Variants in PRMT7 observed in about 807,000 individuals in gnomAD.
The protein encoded by PRMT7 is protein arginine N-methyltransferase 7.
In PRMT7, 75 loss-of-function variants were observed where a neutral mutation model predicts 85.4. The ratio of observed to expected loss-of-function variants is 0.88; its 90% CI spans 0.73 to 1.06. PRMT7 has a LOEUF of 1.06. PRMT7 is among the 50% of genes least tolerant of loss of function. The pLI is 0.00. For synonymous variants in PRMT7, 397 were observed against 359.5 expected, an observed-to-expected ratio of 1.10 and a Z score of -1.18; for missense variants, 868 against 915.2, an observed-to-expected ratio of 0.95 and a Z score of 0.67.
chr16:68,326,986 C>G (rs890793407), intron 5 of PRMT7, among the ~76,000 whole-genome samples: 11 of 152,090 alleles, frequency 7.2e-5, no homozygotes, highest in Non-Finnish European at 1.6e-4. Flanking sequence ...GTTTAAGGCC[C>G]TCAAACCACA....
At chr16:68,340,593 A>G (rs1278909771) in intron 9 of PRMT7, among the ~76,000 whole-genome samples, 2 of 152,194 alleles carry the variant, frequency 1.3e-5, no homozygotes, top group Non-Finnish European at 1.5e-5. Context: ...AAAAAAAAAA[A>G]AAAGAGAAAT....
Position 68,345,735 on chromosome 16 carries a change from G to A in PRMT7, c.988G>A (p.Gly330Ser). The change falls in exon 10 of 19, where the codon GGC (glycine) becomes AGC (serine). Residue 330 changes from glycine to serine, a missense_variant. Transcript: ENST00000441236. ...GCCACAAGAGGAGCCTGTGGTGCAG[G>A]GCTCAGCGCTCTATCTGGTAGCCCA... Reference protein sequence around the residue: ...FLPQEEPVVQGSALYLVAHHD... With the variant: ...FLPQEEPVVQSSALYLVAHHD... 6.2e-7 allele frequency: 1 copy of A among 1,614,110 alleles called. No individual in the cohort carries two copies. Among genetic ancestry groups the A allele is most frequent in the Non-Finnish European group, 8.5e-7 (1 of 1,180,022 alleles).
At chr16:68,340,979 G>A (rs1158314634) in intron 9 of PRMT7, among the ~76,000 whole-genome samples, 1 of 152,204 alleles carries the variant, frequency 6.6e-6, no homozygotes, top group African/African-American at 2.4e-5. Flanking sequence ...ACTGGTGTTA[G>A]TAAAAATAGG....
At chr16:68,348,658 T>TG (rs1491058669) in intron 14 of PRMT7, among the ~76,000 whole-genome samples, 32 of 133,996 alleles carry the variant, frequency 2.4e-4, no homozygotes, top group African/African-American at 1.0e-3. Flanking sequence ...TTTTTTTTTT[T>TG]TGAAAATGGG....
chr16:68,339,342 C>G lies in PRMT7; in HGVS notation c.525C>G (p.Pro175=). 1 of 1,614,058 alleles carries G rather than the reference C, an allele frequency of 6.2e-7. No individual in the cohort carries two copies. Among genetic ancestry groups the G allele is most frequent in the Non-Finnish European group, 8.5e-7 (1 of 1,179,964 alleles). Reference sequence around the variant, plus strand: ...CTTAGGAAAATTGTGAGGCCGTGCCCCACAGAGCCACCGTCTATGCACAGC... The same window carrying G: ...CTTAGGAAAATTGTGAGGCCGTGCCGCACAGAGCCACCGTCTATGCACAGC... ...HLVEENCEAV[P]HRATVYAQLV... is the part of the protein sequence containing the mutation. The change falls in exon 8 of 19, where the codon CCC becomes CCG. Residue 175 remains proline, a synonymous_variant. Coordinates refer to ENST00000441236, the MANE Select transcript of PRMT7 (RefSeq NM_019023.5).
chr16:68,338,047 G>A (rs2084957314), intron 7 of PRMT7, among the ~76,000 whole-genome samples: 1 of 152,192 alleles, frequency 6.6e-6, no homozygotes, highest in Non-Finnish European at 1.5e-5. Flanking sequence ...AGTGGGGTTT[G>A]GGGGCCATGC....
At chr16:68,346,480 C>A (rs930633385) in intron 11 of PRMT7, among the ~76,000 whole-genome samples, 200 bp downstream of exon 11, 4 of 152,200 alleles carry the variant, frequency 2.6e-5, no homozygotes, top group African/African-American at 4.8e-5. Flanking sequence ...GGCTTGCTCT[C>A]TGCTCTACTG....
Position 68,345,817 on chromosome 16 carries a change from G to C in PRMT7, c.1055+15G>C. Reference sequence around the variant, plus strand: ...CAGAGGACCAGGTACGTCGAGCCTCGTGGGGGTGGAGGATGAGCCTCTGAG... The same window carrying C: ...CAGAGGACCAGGTACGTCGAGCCTCCTGGGGGTGGAGGATGAGCCTCTGAG... On this transcript the variant is annotated intron_variant, in intron 10 of 18. Coordinates refer to ENST00000441236, the MANE Select transcript of PRMT7 (RefSeq NM_019023.5). The C allele has an allele frequency of 1.2e-6, 2 of 1,613,786 alleles. No homozygotes were observed. The highest frequency in any genetic ancestry group is 1.7e-6 in the Non-Finnish European group (2 of 1,179,958).
chr16:68,325,505 G>A (rs4783620), intron 5 of PRMT7, among the ~76,000 whole-genome samples: 1 of 150,118 alleles, frequency 6.7e-6, no homozygotes. Context: ...AAATCAAAAC[G>A]AAACAAAGGC....
At chr16:68,352,888 C>G (rs1215421490) in intron 15 of PRMT7, among the ~76,000 whole-genome samples, 1 of 152,194 alleles carries the variant, frequency 6.6e-6, no homozygotes, top group Non-Finnish European at 1.5e-5. Flanking sequence ...AAGCTTTACC[C>G]TGGATGGAGA....
At position 68,339,452 on chromosome 16, in the gene PRMT7, C is replaced by G; in HGVS notation, c.635C>G (p.Pro212Arg). 1 of 1,614,238 alleles carries G rather than the reference C, an allele frequency of 6.2e-7. No homozygotes were observed. Among genetic ancestry groups the G allele is most frequent in the Non-Finnish European group, 8.5e-7 (1 of 1,180,056 alleles). The change falls in exon 8 of 19, where the codon CCT becomes CGT. Residue 212 changes from proline (P) to arginine (R), a missense_variant. Pro to Arg is a moderately radical substitution (Grantham distance 103, BLOSUM62 -2). Transcript: ENST00000441236. ...QTSLGEQVIV[P>R]PVDVESCPGA... ...AGCCTCGGAGAGCAGGTCATCGTCCCTCCCGTTGACGTGGAGAGCTGCCCT... is the reference window on the plus strand; with the variant it reads ...AGCCTCGGAGAGCAGGTCATCGTCCGTCCCGTTGACGTGGAGAGCTGCCCT...
rs900850221 is a variant in PRMT7, at chr16:68,320,369, G to A, written c.96-1057G>A. ...GACAGCCTTCAGAGCTGACAGCCAC[G>A]AACAGAACTTTACCTACATATTTAT... is the stretch of plus-strand genomic sequence containing the variant. On this transcript the variant is annotated intron_variant, in intron 3 of 18. Coordinates refer to ENST00000441236, the MANE Select transcript of PRMT7 (RefSeq NM_019023.5). 1.6e-4 allele frequency among the ~76,000 whole-genome samples: 24 copies of A among 152,166 alleles called. 1 individual carries two copies. Among genetic ancestry groups the A allele is most frequent in the African/African-American group, 4.8e-4 (20 of 41,428 alleles).
chr16:68,330,697 C>T (rs1263870432), intron 6 of PRMT7, among the ~76,000 whole-genome samples: 5 of 152,028 alleles, frequency 3.3e-5, no homozygotes, highest in Non-Finnish European at 7.4e-5. Context: ...CATGTTCAAG[C>T]GATTCTCCTG....
chr16:68,341,805 A>G (rs1173885286), intron 9 of PRMT7, among the ~76,000 whole-genome samples: 1 of 152,224 alleles, frequency 6.6e-6, no homozygotes, highest in African/African-American at 2.4e-5. Flanking sequence ...AGACATTTCA[A>G]AGGGTCAATC....
chr16:68,316,470 G>C (rs2081871024), intron 3 of PRMT7, among the ~76,000 whole-genome samples: 3 of 151,906 alleles, frequency 2.0e-5, no homozygotes. Flanking sequence ...ATATTTAAAA[G>C]TATGTGAGTT....
At chr16:68,330,303 G>A (rs1032870948) in intron 6 of PRMT7, among the ~76,000 whole-genome samples, 3 of 152,164 alleles carry the variant, frequency 2.0e-5, no homozygotes, top group African/African-American at 7.2e-5. Context: ...AAACTGTGGT[G>A]AAGTTATGGA....
intron 7 of PRMT7, among the ~76,000 whole-genome samples, chr16:68,338,999 C>T (rs1025311292): frequency 4.6e-5 from 7 of 152,118 alleles, no homozygotes; most frequent in Non-Finnish European, 7.4e-5. Flanking sequence ...TGGGCAGGAG[C>T]GGCACTGAAG....
intron 2 of PRMT7, among the ~76,000 whole-genome samples, chr16:68,312,669 G>A (rs575932734): frequency 1.6e-4 from 25 of 152,306 alleles, no homozygotes; most frequent in African/African-American, 5.3e-4. Context: ...GGAGAATGAG[G>A]AGGGGTTCAG....
At position 68,321,542 on chromosome 16, in the gene PRMT7, G is replaced by T. The variant is rs1487980930; in HGVS notation, c.132+80G>T. The T allele has an allele frequency of 4.4e-6, 6 of 1,363,662 alleles. No homozygotes were observed. In the African/African-American group the frequency reaches 7.3e-5, roughly 17 times the overall value. The allele number at this position is 1,363,662 out of a possible 1,614,324, so 84.5% of individuals were successfully genotyped here. On this transcript the variant is annotated intron_variant, in intron 4 of 18. Transcript: ENST00000441236. ...TACAAGAAGGTTAAGAATCCCTGGG[G>T]GTCATGATGTTAAATGATACTGAGA...
Sources: allele counts gnomAD v4.1 joint callset (sites outside exome capture counted in the v4.1 genomes callset), GRCh38; gene constraint gnomAD v4.1.1; transcripts MANE v1.5; gene names NCBI Gene and HGNC (gene_info 2026-07-23, HGNC 2026-07-21).